The following C17orf75 variants were observed in gnomAD, a reference collection of about 807,000 sequenced individuals.
The protein encoded by C17orf75 is chromosome 17 open reading frame 75.
A neutral mutation model predicts 49.6 loss-of-function variants in C17orf75; 32 were observed. The ratio of observed to expected loss-of-function variants is 0.65; its 90% CI spans 0.49 to 0.87. C17orf75 has a LOEUF of 0.87. C17orf75 is among the 40% of genes least tolerant of loss of function. The probability of loss-of-function intolerance (pLI) is 0.00; values close to 1 mark genes in which losing one functional copy is unlikely to be tolerated. For synonymous variants in C17orf75, 158 were observed against 159.5 expected (o/e 0.99, Z 0.07); for missense variants, 428 against 473.9 (o/e 0.90, Z 0.90).
Position 32,331,727 on chromosome 17 carries a change from T to C in C17orf75, c.*36A>G, listed in dbSNP as rs1338188758. ...AATTTCAAACACTAAGACTTAAATA[T>C]ACAACTTGATCATACAATTATCTCA... On this transcript the variant is annotated 3_prime_UTR_variant, in exon 10 of 10. Transcript: ENST00000577809. 2.6e-6 allele frequency: 4 copies of C among 1,519,780 alleles called. No individual in the cohort carries two copies. Among genetic ancestry groups the C allele is most frequent in the Non-Finnish European group, 3.7e-6 (4 of 1,095,630 alleles). The allele number at this position is 1,519,780 out of a possible 1,614,324, so 94.1% of individuals were successfully genotyped here. A position where few individuals can be genotyped will look rare whatever the true frequency, so the allele number is the denominator to read the frequency against.
Position 32,338,656 on chromosome 17 carries a change from T to G in C17orf75, c.348-305A>C, listed in dbSNP as rs2041306. Among the ~76,000 whole-genome samples, 5 of 152,108 alleles carry G rather than the reference T, an allele frequency of 3.3e-5. No homozygotes were observed. The South Asian group carries it at 1.0e-3, about 32-fold the overall frequency. Reference sequence around the variant, plus strand: ...TACCCATGTTTATATTAAAAAAAAGTATGTTCTCCCCTCTCCCAAAGCTTC... The same window carrying G: ...TACCCATGTTTATATTAAAAAAAAGGATGTTCTCCCCTCTCCCAAAGCTTC... On this transcript the variant is annotated intron_variant, in intron 3 of 9. Coordinates refer to ENST00000577809, the MANE Select transcript of C17orf75 (RefSeq NM_022344.4).
At chr17:32,334,173 A>T (rs1267178397) in intron 8 of C17orf75, among the ~76,000 whole-genome samples, 1 of 152,174 alleles carries the variant, frequency 6.6e-6, no homozygotes, top group Non-Finnish European at 1.5e-5. Context: ...ATAAACACTT[A>T]AATTGCTTCC....
chr17:32,339,655 T>C (rs770851578), intron 3 of C17orf75, among the ~76,000 whole-genome samples, 158 bp downstream of exon 3: 2 of 152,180 alleles, frequency 1.3e-5, no homozygotes, highest in Non-Finnish European at 2.9e-5. Flanking sequence ...ATTAATTCCA[T>C]TCCACAAATG....
In C17orf75 at chr17:32,339,256, AG is replaced by A. The variant is rs1288920839; in HGVS notation, c.347+556del. On this transcript the variant is annotated intron_variant, in intron 3 of 9. Coordinates refer to ENST00000577809, the MANE Select transcript of C17orf75 (RefSeq NM_022344.4). ...TTCCTCATCTGAAAATGAAAATAAG[AG>A]AGTATCTGCTATATTTCCCCTTTGT... Among the ~76,000 whole-genome samples, 4 of 23,650 alleles carry A rather than the reference AG, an allele frequency of 1.7e-4. No individual in the cohort carries two copies. The African/African-American group carries it at 3.0e-3, about 18-fold the overall frequency. The allele number at this position is 23,650 out of a possible 152,430, so 15.5% of individuals were successfully genotyped here.
At chr17:32,343,470 G>C (rs752482205), upstream of C17orf75, 2 of 236,070 alleles carry the variant, frequency 8.5e-6, no homozygotes, top group African/African-American at 4.5e-5. Context: ...AGTTGAGATC[G>C]TTAAATCCCC....
chr17:32,346,313 C>T (rs1464953789), upstream of C17orf75, among the ~76,000 whole-genome samples: 1 of 152,164 alleles, frequency 6.6e-6, no homozygotes, highest in East Asian at 1.9e-4. Context: ...CCTGCTACTC[C>T]GTGGGCTGAG....
At chr17:32,341,942 G>A in intron 1 of C17orf75, 58 bp downstream of exon 1, 1 of 1,245,478 alleles carries the variant, frequency 8.0e-7, no homozygotes, top group Non-Finnish European at 1.0e-6. Context: ...CCGGGCGGCG[G>A]GCCGGGGGCG....
At chr17:32,333,364 T>C (rs2041294400) in intron 9 of C17orf75, 53 bp downstream of exon 9, 2 of 1,357,476 alleles carry the variant, frequency 1.5e-6, no homozygotes, top group East Asian at 2.3e-5. Flanking sequence ...TGGTACTAAT[T>C]AAAATTCAGA....
At position 32,331,650 on chromosome 17, in the gene C17orf75, G is replaced by T. The variant is rs1439406249; in HGVS notation, c.*113C>A. 1 of 852,702 alleles carries T rather than the reference G, an allele frequency of 1.2e-6. No homozygotes were observed. Among genetic ancestry groups the T allele is most frequent in the Non-Finnish European group, 1.8e-6 (1 of 551,318 alleles). The allele number at this position is 852,702 out of a possible 1,614,324, so 52.8% of individuals were successfully genotyped here. The stretch of plus-strand genomic sequence containing the variant: ...TGGTAAAATACAAAAAGAAAATCTG[G>T]ATTGAGTTTCAAATCATCTTAAATA... On this transcript the variant is annotated 3_prime_UTR_variant, in exon 10 of 10. Coordinates refer to ENST00000577809, the MANE Select transcript of C17orf75 (RefSeq NM_022344.4).
In C17orf75 at chr17:32,339,816, A is replaced by T; in HGVS notation, c.344T>A (p.Leu115Gln). ...ACACAGCACATTTTGCACTTACTTT[A>T]GCTCCACAGATGCAACATTACCCAG... ...EGLGNVASVE[L>Q]KIPGYRVGCY... Residue 115 changes from leucine (L) to glutamine (Q), a missense_variant, in exon 3 of 10, where the codon CTA becomes CAA. By Grantham distance (113) the Leu-to-Gln change is moderately radical. Coordinates refer to ENST00000577809, the MANE Select transcript of C17orf75 (RefSeq NM_022344.4). The T allele has an allele frequency of 6.2e-7, 1 of 1,613,828 alleles. No homozygotes were observed. Among genetic ancestry groups the T allele is most frequent in the South Asian group, 1.1e-5 (1 of 91,056 alleles).
rs1044495854 is a variant in C17orf75 at position 32,337,765 on chromosome 17, C to T, written c.549+132G>A. ...AGTTTTAGTAGAGATGAAGTTTCAT[C>T]ATATTGACCAGGCTGGTCTCTGACC... On this transcript the variant is annotated intron_variant, in intron 5 of 9. Transcript: ENST00000577809. 1.0e-5 allele frequency: 7 copies of T among 666,946 alleles called. No individual in the cohort carries two copies. In the Admixed American group the frequency reaches 1.3e-4, roughly 12 times the overall value. 41.3% of individuals were successfully genotyped at this position (666,946 alleles called of 1,614,324 possible).
chr17:32,335,154 T>TA (rs1239057337), intron 6 of C17orf75, among the ~76,000 whole-genome samples, 169 bp downstream of exon 6: 1 of 152,258 alleles, frequency 6.6e-6, no homozygotes. Flanking sequence ...TCTACCTTAG[T>TA]AATATCACTT....
At chr17:32,347,491 AG>A (rs2041434157) in intron 1 of C17orf75, among the ~76,000 whole-genome samples, 1 of 152,122 alleles carries the variant, frequency 6.6e-6, no homozygotes, top group East Asian at 1.9e-4. Context: ...CATGTTGGCC[AG>A]GCTGGTCTCG....
rs989595352 is a variant in C17orf75 at position 32,330,523 on chromosome 17, G to A, written c.*1240C>T. ...GAGCTATCCCGAGCAAATTGCAATT[G>A]TATGTATGTAGCTACATAGGCTTCC... On this transcript the variant is annotated 3_prime_UTR_variant, in exon 10 of 10. Transcript: ENST00000577809. 6.6e-6 allele frequency: 1 copy of A among 152,198 alleles called. No individual in the cohort carries two copies. The highest frequency in any genetic ancestry group is 1.9e-4 in the East Asian group (1 of 5,202). The allele number at this position is 152,198 out of a possible 1,614,324, so 9.4% of individuals were successfully genotyped here. A position where few individuals can be genotyped will look rare whatever the true frequency, so the allele number is the denominator to read the frequency against.
upstream of C17orf75, chr17:32,344,039 A>G (rs1368999940): frequency 7.4e-6 from 5 of 671,242 alleles, no homozygotes; most frequent in Admixed American, 4.1e-5. Context: ...GGTGCATTGT[A>G]CTTGAATAGC....
Position 32,334,564 on chromosome 17 carries a change from C to A in C17orf75, c.776G>T (p.Gly259Val), listed in dbSNP as rs1238732920. 1 of 1,612,188 alleles carries A rather than the reference C, an allele frequency of 6.2e-7. No homozygotes were observed. The highest frequency in any genetic ancestry group is 8.5e-7 in the Non-Finnish European group (1 of 1,179,312). ...VASLQGLIHE[G>V]TMTSLCMAMT... ...GGCCATGCACAAAGAAGTCATGGTG[C>A]CTTCATGAATAAGTCCTTGAAGACT... Residue 259 changes from glycine to valine, a missense_variant, in exon 8 of 10, where the codon GGC becomes GTC. Gly to Val is a moderately radical substitution (Grantham distance 109, BLOSUM62 -3). Coordinates refer to ENST00000577809, the MANE Select transcript of C17orf75 (RefSeq NM_022344.4).
chr17:32,330,697 T>C lies in C17orf75; in HGVS notation c.*1066A>G, dbSNP rs137880911. 2.0e-5 allele frequency: 3 copies of C among 152,334 alleles called. No individual in the cohort carries two copies. Among genetic ancestry groups the C allele is most frequent in the East Asian group, 3.9e-4 (2 of 5,184 alleles). The allele number at this position is 152,334 out of a possible 1,614,324, so 9.4% of individuals were successfully genotyped here. On this transcript the variant is annotated 3_prime_UTR_variant, in exon 10 of 10. Coordinates refer to ENST00000577809, the MANE Select transcript of C17orf75 (RefSeq NM_022344.4). ...TGCATTCCTTATGTTACAGTTTGCT[T>C]GTAAACTGTATGTACTTTGTTTCTT...
At chr17:32,346,285 T>C (rs2041424679), upstream of C17orf75, among the ~76,000 whole-genome samples, 5 of 152,204 alleles carry the variant, frequency 3.3e-5, no homozygotes, top group South Asian at 6.2e-4. Flanking sequence ...CAAGGCATGG[T>C]GGCATGGCCC....
chr17:32,345,919 C>T (rs2041422039), upstream of C17orf75, among the ~76,000 whole-genome samples: 2 of 152,116 alleles, frequency 1.3e-5, no homozygotes, highest in South Asian at 4.1e-4. Flanking sequence ...GATCTCTGGA[C>T]AAAGTATGCT....
Sources: allele counts gnomAD v4.1 joint callset (sites outside exome capture counted in the v4.1 genomes callset), GRCh38; gene constraint gnomAD v4.1.1; transcripts MANE v1.5; gene names NCBI Gene and HGNC (gene_info 2026-07-23, HGNC 2026-07-21).